Variants in FLYWCH1 observed in about 807,000 individuals in gnomAD.
The protein encoded by FLYWCH1 is FLYWCH-type zinc finger 1.
A neutral mutation model predicts 66.4 loss-of-function variants in FLYWCH1; 75 were observed. The observed-to-expected ratio is 1.13, with a 90% CI of 0.94 to 1.37. FLYWCH1 has a LOEUF of 1.37. Ranked by LOEUF, FLYWCH1 falls within the 40% of genes most tolerant of loss-of-function variation. The pLI is 0.00. For missense variants in FLYWCH1, 1,334 were observed against 1,001.8 expected, an observed-to-expected ratio of 1.33 and a Z score of -4.48; for synonymous variants, 595 against 429.9, an observed-to-expected ratio of 1.38 and a Z score of -4.75.
intron 8 of FLYWCH1, 134 bp from the exon 9 acceptor site, chr16:2,939,898 C>T: frequency 2.0e-6 from 2 of 1,003,716 alleles, no homozygotes; most frequent in South Asian, 1.8e-5. Flanking sequence ...GCGTTGAATT[C>T]CCAGCGTTGC....
chr16:2,932,455 A>C (rs749969018), intron 4 of FLYWCH1, among the ~76,000 whole-genome samples: 8 of 151,828 alleles, frequency 5.3e-5, no homozygotes, highest in Non-Finnish European at 1.0e-4. Flanking sequence ...TGTAAATTGC[A>C]CATTTGGGGC....
rs2071197949 is a variant in FLYWCH1 at position 2,940,070 on chromosome 16, C to G, written c.2089C>G (p.Pro697Ala). 1 of 1,493,488 alleles carries G rather than the reference C, an allele frequency of 6.7e-7. No individual in the cohort carries two copies. Among genetic ancestry groups the G allele is most frequent in the Non-Finnish European group, 9.3e-7 (1 of 1,070,972 alleles). The allele number at this position is 1,493,488 out of a possible 1,614,324, so 92.5% of individuals were successfully genotyped here. A position where few individuals can be genotyped will look rare whatever the true frequency, so the allele number is the denominator to read the frequency against. Residue 697 changes from proline to alanine, a missense_variant, in exon 9 of 10, where the codon CCT becomes GCT. Coordinates refer to ENST00000253928, the MANE Select transcript of FLYWCH1 (RefSeq NM_001308068.2). Reference sequence around the variant, plus strand: ...TCAGCTGTGCTTCAAGACGTGTTCTCCTGAAAGCCAGCAGATTTATGGGTA... The same window carrying G: ...TCAGCTGTGCTTCAAGACGTGTTCTGCTGAAAGCCAGCAGATTTATGGGTA... Reference protein sequence around the residue: ...QVQLCFKTCSPESQQIYGDIK... With the variant: ...QVQLCFKTCSAESQQIYGDIK...
chr16:2,932,797 C>G (rs147114761), intron 4 of FLYWCH1, among the ~76,000 whole-genome samples: 1 of 152,002 alleles, frequency 6.6e-6, no homozygotes, highest in East Asian at 1.9e-4. Context: ...CCGGTGTAAC[C>G]TTGATGCAAC....
chr16:2,948,248 G>C (rs1400816716), intron 9 of FLYWCH1, among the ~76,000 whole-genome samples: 1 of 152,064 alleles, frequency 6.6e-6, no homozygotes, highest in Non-Finnish European at 1.5e-5. Flanking sequence ...AATTGATACG[G>C]ATGGATGGAT....
intron 2 of FLYWCH1, chr16:2,922,205 T>A (rs2070397704): frequency 6.7e-6 from 1 of 150,146 alleles, no homozygotes; most frequent in African/African-American, 2.5e-5. Context: ...TGGGGTGTTT[T>A]GTGTATAGTT....
At chr16:2,931,180 G>A (rs2070748901) in intron 4 of FLYWCH1, among the ~76,000 whole-genome samples, 1 of 151,856 alleles carries the variant, frequency 6.6e-6, no homozygotes, top group Non-Finnish European at 1.5e-5. Flanking sequence ...GTGCGCACCT[G>A]TAATCCCAGC....
At position 2,934,416 on chromosome 16, in the gene FLYWCH1, T is replaced by TAGAC. The variant is rs2070910773; in HGVS notation, c.1513+439_1513+442dup. Among the ~76,000 whole-genome samples the TAGAC allele has an allele frequency of 3.9e-5, 6 of 152,338 alleles. No individual in the cohort carries two copies. The South Asian group carries it at 1.2e-3, about 32-fold the overall frequency. On this transcript the variant is annotated intron_variant, in intron 6 of 9. Transcript: ENST00000253928. ...TTTCTCCTCTCGGCCCGCTGTTCCA[T>TAGAC]AGACACCCATAATGTCCTGAAACGC...
chr16:2,918,733 G>T (rs1189462933), intron 2 of FLYWCH1, among the ~76,000 whole-genome samples: 3 of 151,464 alleles, frequency 2.0e-5, no homozygotes. Context: ...GAACCACCGT[G>T]CCTGGCCTTA....
At chr16:2,916,250 CAGGATAATTAACCT>C in intron 2 of FLYWCH1, among the ~76,000 whole-genome samples, 1 of 152,224 alleles carries the variant, frequency 6.6e-6, no homozygotes, top group East Asian at 1.9e-4. Flanking sequence ...GAAGCTGAGT[CAGGATAATTAACCT>C]AGGAGGCAGA....
intron 4 of FLYWCH1, among the ~76,000 whole-genome samples, chr16:2,932,622 A>T (rs1260239256): frequency 6.6e-6 from 1 of 152,154 alleles, no homozygotes; most frequent in Non-Finnish European, 1.5e-5. Context: ...TGCAGGGAAC[A>T]GGGAGACTTA....
At chr16:2,923,481 G>C (rs538399939) in intron 2 of FLYWCH1, among the ~76,000 whole-genome samples, 2 of 152,106 alleles carry the variant, frequency 1.3e-5, no homozygotes, top group Admixed American at 1.3e-4. Context: ...CCTGACCTCA[G>C]GTGATCCGCC....
intron 1 of FLYWCH1, chr16:2,913,214 T>A (rs2070050861): frequency 6.6e-6 from 1 of 152,210 alleles, no homozygotes. Context: ...GCTGGCAAGA[T>A]CGTTCAGAGG....
At position 2,933,968 on chromosome 16, in the gene FLYWCH1, G is replaced by C. The variant is rs746049171; in HGVS notation, c.1502G>C (p.Arg501Pro). Residue 501 changes from arginine (R) to proline (P), a missense_variant, in exon 6 of 10, where the codon CGG becomes CCG. Coordinates refer to ENST00000253928, the MANE Select transcript of FLYWCH1 (RefSeq NM_001308068.2). ...QREKRPNTAQ[R>P]GSPGGPEFLK... The stretch of plus-strand genomic sequence containing the variant: ...GAGAAACGCCCCAACACGGCGCAGC[G>C]GGGGAGCCCAGGTACCTGGGGGTGG... 166 of 1,537,628 alleles carry C rather than the reference G, an allele frequency of 1.1e-4. No homozygotes were observed. The highest frequency in any genetic ancestry group is 1.4e-4 in the Non-Finnish European group (159 of 1,140,126).
At chr16:2,929,487 GC>G in intron 2 of FLYWCH1, 125 bp from the exon 3 acceptor site, 2 of 670,812 alleles carry the variant, frequency 3.0e-6, no homozygotes, top group South Asian at 2.0e-5. Flanking sequence ...GTTCCATCAG[GC>G]CCCCGGCCAG....
At chr16:2,922,005 A>G (rs2070391203) in intron 2 of FLYWCH1, among the ~76,000 whole-genome samples, 1 of 152,170 alleles carries the variant, frequency 6.6e-6, no homozygotes, top group Non-Finnish European at 1.5e-5. Flanking sequence ...AGAGGTTGCA[A>G]TGAACTGAGA....
intron 2 of FLYWCH1, among the ~76,000 whole-genome samples, chr16:2,918,780 G>A (rs989013680): frequency 2.0e-5 from 3 of 152,142 alleles, no homozygotes; most frequent in Middle Eastern, 3.4e-3. Context: ...AATAAAATTC[G>A]CCAATGAATA....
In FLYWCH1 at chr16:2,929,718, C is replaced by T. The variant is rs972819553; in HGVS notation, c.33C>T (p.Gly11=). 120 of 1,613,020 alleles carry T rather than the reference C, an allele frequency of 7.4e-5. No individual in the cohort carries two copies. Among genetic ancestry groups the T allele is most frequent in the African/African-American group, 1.7e-4 (13 of 74,860 alleles). The change falls in exon 3 of 10, where the codon GGC becomes GGT. Residue 11 remains glycine, a synonymous_variant. Coordinates refer to ENST00000253928, the MANE Select transcript of FLYWCH1 (RefSeq NM_001308068.2). ...TGCCCGAGCCCAGCGAGCAGGAGGG[C>T]GAGAGTGTGAAGGCCGGCCAGGAGC... MPLPEPSEQE[G]ESVKAGQEPS...
intron 2 of FLYWCH1, among the ~76,000 whole-genome samples, chr16:2,914,748 A>C (rs2070108455): frequency 6.6e-6 from 1 of 151,832 alleles, no homozygotes; most frequent in African/African-American, 2.4e-5. Context: ...AAAATACAAA[A>C]AATTTAGCTG....
chr16:2,949,432 G>A lies in FLYWCH1; in HGVS notation c.*705G>A, dbSNP rs1408445130. 1 of 152,362 alleles carries A rather than the reference G, an allele frequency of 6.6e-6. No homozygotes were observed. The highest frequency in any genetic ancestry group is 1.5e-5 in the Non-Finnish European group (1 of 68,202). The allele number at this position is 152,362 out of a possible 1,614,324, so 9.4% of individuals were successfully genotyped here. ...TGGGAGCCAGTCCAGGGGTCAGCAG[G>A]AGCCAGCGCTGGGCACACGTGCCCT... On this transcript the variant is annotated 3_prime_UTR_variant, in exon 10 of 10. Coordinates refer to ENST00000253928, the MANE Select transcript of FLYWCH1 (RefSeq NM_001308068.2).
Sources: gnomAD v4.1 joint callset for allele counts (sites outside exome capture counted in the v4.1 genomes callset) on GRCh38, gnomAD v4.1.1 for gene constraint, MANE v1.5 for transcripts, NCBI Gene and HGNC (gene_info 2026-07-23, HGNC 2026-07-21) for gene names.